Variants in DAB1 observed in about 807,000 individuals in gnomAD.
DAB1 encodes the protein DAB adaptor protein 1, also known as disabled homolog 1.
A neutral mutation model predicts 64.6 loss-of-function variants in DAB1; 15 were observed. The observed-to-expected ratio is 0.23, with a 90% CI of 0.16 to 0.36. The LOEUF is 0.36. Among genes scored for constraint, DAB1 ranks in the 10% least tolerant of loss-of-function variants. The pLI is 1.00. For synonymous variants in DAB1, 235 were observed against 251.9 expected (o/e 0.93, Z 0.64); for missense variants, 596 against 706.7 (o/e 0.84, Z 1.78).
intron 4 of DAB1, among the ~76,000 whole-genome samples, chr1:57,072,859 C>G (rs6660463): frequency 0.44 from 66,566 of 152,026 alleles, 14,813 homozygotes; most frequent in Admixed American, 0.53. Flanking sequence ...TAGAACTATA[C>G]ATGTGCATGG....
At chr1:58,491,408 A>T (rs1340838514) in intron 3 of DAB1, among the ~76,000 whole-genome samples, 1 of 152,194 alleles carries the variant, frequency 6.6e-6, no homozygotes, top group Non-Finnish European at 1.5e-5. Context: ...AAATTCACAC[A>T]TAACAATATT....
At chr1:58,147,640 G>A (rs1469659052) in intron 5 of DAB1, among the ~76,000 whole-genome samples, 1 of 151,952 alleles carries the variant, frequency 6.6e-6, no homozygotes, top group Non-Finnish European at 1.5e-5. Flanking sequence ...TAGCCATTAT[G>A]TAAAATAATA....
Position 58,028,111 on chromosome 1 carries a change from T to A in DAB1, n.387+122400A>T, listed in dbSNP as rs187611404. ...CAATACACTAGGTATTTTACACACA[T>A]CCTCACTTAATATATGCAGCTATCC... On this transcript the variant is annotated intron_variant and non_coding_transcript_variant, in intron 5 of 20. Coordinates refer to the DAB1 transcript ENST00000485760. 5.3e-5 allele frequency among the ~76,000 whole-genome samples: 8 copies of A among 152,306 alleles called. No individual in the cohort carries two copies. The East Asian group carries it at 1.2e-3, about 22-fold the overall frequency.
chr1:57,031,971 G>A (rs967777188), intron 9 of DAB1, among the ~76,000 whole-genome samples: 18 of 152,176 alleles, frequency 1.2e-4, no homozygotes, highest in African/African-American at 2.7e-4. Context: ...AAGTAGCTTC[G>A]ATGTTTAGGG....
chr1:57,132,758 C>G (rs530949459), intron 4 of DAB1, among the ~76,000 whole-genome samples: 1 of 152,030 alleles, frequency 6.6e-6, no homozygotes. Flanking sequence ...TCTATCTATC[C>G]AAGACAAACT....
At chr1:57,129,404 A>G (rs1433441644) in intron 4 of DAB1, among the ~76,000 whole-genome samples, 8 of 152,074 alleles carry the variant, frequency 5.3e-5, no homozygotes, top group South Asian at 2.1e-4. Context: ...TTTTCCCCTT[A>G]AAGGTTCTAT....
At chr1:58,218,634 C>T (rs17117128) in intron 4 of DAB1, among the ~76,000 whole-genome samples, 27,970 of 151,894 alleles carry the variant, frequency 0.18, 2,775 homozygotes, top group East Asian at 0.37. Context: ...GAGATTGAAA[C>T]CTGGGCTGGT....
downstream of DAB1, among the ~76,000 whole-genome samples, chr1:57,823,711 G>C (rs1652224486): frequency 6.6e-6 from 1 of 152,140 alleles, no homozygotes; most frequent in African/African-American, 2.4e-5. Flanking sequence ...AAGGAAAGTG[G>C]CCCTGACATG....
chr1:57,813,820 A>G (rs765602979), intron 6 of DAB1, among the ~76,000 whole-genome samples: 81 of 152,262 alleles, frequency 5.3e-4, no homozygotes, highest in Middle Eastern at 3.2e-3. Flanking sequence ...AGCCTTATAG[A>G]TAATTCATAG....
intron 7 of DAB1, among the ~76,000 whole-genome samples, chr1:57,520,876 C>T (rs746579125): frequency 6.6e-6 from 1 of 151,666 alleles, no homozygotes; most frequent in Non-Finnish European, 1.5e-5. Flanking sequence ...TTGGCATAGC[C>T]ATCCAACAGG....
intron 5 of DAB1, among the ~76,000 whole-genome samples, chr1:58,001,235 C>T (rs556892864): frequency 2.0e-5 from 3 of 152,052 alleles, no homozygotes; most frequent in Admixed American, 6.6e-5. Flanking sequence ...TTAGTCAGCC[C>T]ATCAACTTCT....
At chr1:57,207,306 C>T (rs1333097355) in intron 2 of DAB1, among the ~76,000 whole-genome samples, 6 of 151,718 alleles carry the variant, frequency 4.0e-5, no homozygotes, top group African/African-American at 7.3e-5. Context: ...GCATTTGCTC[C>T]AGATATCGTG....
At chr1:57,921,581 T>C (rs553655083) in intron 5 of DAB1, among the ~76,000 whole-genome samples, 1 of 151,990 alleles carries the variant, frequency 6.6e-6, no homozygotes, top group South Asian at 2.1e-4. Context: ...AACCAACAGA[T>C]CCTGTCTGCT....
chr1:57,483,805 T>C (rs1011437567), intron 7 of DAB1, among the ~76,000 whole-genome samples: 5 of 152,144 alleles, frequency 3.3e-5, no homozygotes, highest in African/African-American at 1.2e-4. Flanking sequence ...TTATATACCC[T>C]GGGTTGCAAG....
At chr1:58,242,405 A>AT (rs1660338235) in intron 4 of DAB1, among the ~76,000 whole-genome samples, 1 of 152,092 alleles carries the variant, frequency 6.6e-6, no homozygotes, top group Admixed American at 6.5e-5. Context: ...GATATCCCGG[A>AT]TAAAAAGTAA....
At chr1:57,225,935 G>A (rs1667230158) in intron 2 of DAB1, among the ~76,000 whole-genome samples, 1 of 151,880 alleles carries the variant, frequency 6.6e-6, no homozygotes, top group African/African-American at 2.4e-5. Context: ...TTCCATTCTG[G>A]TTGTCATCTT....
intron 3 of DAB1, among the ~76,000 whole-genome samples, chr1:58,422,770 G>T (rs1476383076): frequency 6.6e-6 from 1 of 151,864 alleles, no homozygotes; most frequent in East Asian, 1.9e-4. Flanking sequence ...CAACACCCAT[G>T]ATGCTGTTTG....
chr1:57,343,441 C>G (rs753069331), intron 1 of DAB1, among the ~76,000 whole-genome samples: 2 of 152,242 alleles, frequency 1.3e-5, no homozygotes, highest in Non-Finnish European at 2.9e-5. Flanking sequence ...AGTCCCGCAC[C>G]GTGCGCCCGC....
intron 5 of DAB1, among the ~76,000 whole-genome samples, chr1:58,065,492 G>T (rs1369792592): frequency 6.6e-6 from 1 of 152,164 alleles, no homozygotes; most frequent in Admixed American, 6.5e-5. Context: ...AAAGGGAACT[G>T]GGTGTGAGGG....
Sources: allele counts gnomAD v4.1 joint callset (sites outside exome capture counted in the v4.1 genomes callset), GRCh38; gene constraint gnomAD v4.1.1; transcripts MANE v1.5; gene names NCBI Gene and HGNC (gene_info 2026-07-23, HGNC 2026-07-21).